The following TRPM3 variants were observed in gnomAD, a reference collection of about 807,000 sequenced individuals.
TRPM3 encodes the protein long transient receptor potential channel 3.
Under a neutral mutation model 181.2 loss-of-function variants are expected in TRPM3, and 77 were observed. That is an observed-to-expected ratio of 0.42 (90% CI 0.35 to 0.51). The LOEUF is 0.51. TRPM3 is among the 20% of genes least tolerant of loss of function. The pLI is 0.01. For missense variants in TRPM3, 1,759 were observed against 2,196.7 expected, an observed-to-expected ratio of 0.80 and a Z score of 3.98; for synonymous variants, 745 against 796.4, an observed-to-expected ratio of 0.94 and a Z score of 1.09.
intron 1 of TRPM3, among the ~76,000 whole-genome samples, chr9:71,320,718 A>G (rs1003143631): frequency 6.6e-6 from 1 of 152,094 alleles, no homozygotes; most frequent in African/African-American, 2.4e-5. Flanking sequence ...GGTGACTCAC[A>G]ATTGTGTAAC....
intron 1 of TRPM3, among the ~76,000 whole-genome samples, chr9:71,289,407 A>G (rs2085590482): frequency 6.6e-6 from 1 of 152,178 alleles, no homozygotes; most frequent in Non-Finnish European, 1.5e-5. Context: ...CAGATGAAGC[A>G]CACCTGAGGA....
chr9:71,431,608 C>T (rs1213842232), intron 1 of TRPM3, among the ~76,000 whole-genome samples: 3 of 152,230 alleles, frequency 2.0e-5, no homozygotes, highest in Admixed American at 6.5e-5. Flanking sequence ...CTCTGACTCA[C>T]GAGTCAGTAG....
intron 1 of TRPM3, 27 bp from the exon 2 acceptor site, chr9:70,864,538 A>AAAAAAAAG (rs375135324): frequency 6.3e-6 from 9 of 1,433,880 alleles, no homozygotes; most frequent in South Asian, 1.5e-5. Context: ...AAAAAAAAAA[A>AAAAAAAAG]AAAGAAAAAA....
intron 1 of TRPM3, among the ~76,000 whole-genome samples, chr9:71,149,940 CT>C (rs1258274514): frequency 6.6e-6 from 1 of 152,064 alleles, no homozygotes; most frequent in Non-Finnish European, 1.5e-5. Context: ...CCAGGCTCCA[CT>C]TCAGCCTGGG....
chr9:70,787,763 CTTTTTTTT>C lies in TRPM3; in HGVS notation c.974-3492_974-3485del. Reference sequence around the variant, plus strand: ...TGCAATTTCAGGGACTTTTTGGATTCTTTTTTTTTTTTTTTTTTTTTTTGCTTTTTATT... The same window carrying C: ...TGCAATTTCAGGGACTTTTTGGATTCTTTTTTTTTTTTTTTGCTTTTTATT... On this transcript the variant is annotated intron_variant, in intron 6 of 25. Transcript: ENST00000677713. Among the ~76,000 whole-genome samples the C allele has an allele frequency of 3.8e-4, 26 of 68,558 alleles. No individual in the cohort carries two copies. The Admixed American group carries it at 4.3e-3, about 11-fold the overall frequency. The allele number at this position is 68,558 out of a possible 152,430, so 45.0% of individuals were successfully genotyped here. A position where few individuals can be genotyped will look rare whatever the true frequency, so the allele number is the denominator to read the frequency against.
intron 19 of TRPM3, among the ~76,000 whole-genome samples, chr9:70,610,193 G>GTGT (rs2061796974): frequency 6.6e-6 from 1 of 152,100 alleles, no homozygotes; most frequent in African/African-American, 2.4e-5. Flanking sequence ...TTCTTTAGTG[G>GTGT]TGTTACCTCC....
At chr9:70,797,441 G>T (rs558393861) in intron 6 of TRPM3, among the ~76,000 whole-genome samples, 22 of 152,018 alleles carry the variant, frequency 1.4e-4, no homozygotes, top group Non-Finnish European at 3.2e-4. Context: ...TTTAGGAAAG[G>T]CCCATTGTTT....
chr9:71,225,656 G>A (rs2080554205), intron 1 of TRPM3, among the ~76,000 whole-genome samples: 1 of 151,946 alleles, frequency 6.6e-6, no homozygotes, highest in Non-Finnish European at 1.5e-5. Flanking sequence ...CAAATAAAAA[G>A]TAACTATAAC....
chr9:70,836,394 T>A (rs575496503), intron 5 of TRPM3, among the ~76,000 whole-genome samples: 1 of 152,250 alleles, frequency 6.6e-6, no homozygotes, highest in African/African-American at 2.4e-5. Flanking sequence ...CCAAAACCTC[T>A]AAGAGGTCTC....
At chr9:71,265,053 C>T (rs775814166) in intron 1 of TRPM3, among the ~76,000 whole-genome samples, 21 of 152,094 alleles carry the variant, frequency 1.4e-4, no homozygotes, top group Non-Finnish European at 1.5e-5. Context: ...AAGTATGAAA[C>T]ACCCACTTAG....
intron 1 of TRPM3, among the ~76,000 whole-genome samples, chr9:71,178,563 T>C (rs2077231000): frequency 6.6e-6 from 1 of 152,144 alleles, no homozygotes; most frequent in African/African-American, 2.4e-5. Flanking sequence ...TTGCAAATAA[T>C]TACTTTAAAA....
At chr9:71,178,860 T>C (rs7870153) in intron 1 of TRPM3, among the ~76,000 whole-genome samples, 36,535 of 152,004 alleles carry the variant, frequency 0.24, 5,093 homozygotes, top group African/African-American at 0.36. Flanking sequence ...GGCAGGGATG[T>C]TTCTCTTACT....
intron 1 of TRPM3, among the ~76,000 whole-genome samples, chr9:70,960,813 T>C (rs1476960573): frequency 2.6e-5 from 4 of 152,144 alleles, no homozygotes; most frequent in Non-Finnish European, 4.4e-5. Flanking sequence ...ATCTCCGTGT[T>C]TCCCTGGCCA....
intron 18 of TRPM3, among the ~76,000 whole-genome samples, chr9:70,612,217 A>G (rs1275503126): frequency 2.6e-5 from 4 of 152,240 alleles, no homozygotes; most frequent in African/African-American, 9.6e-5. Context: ...TAGAATCTAT[A>G]ACAGCATAAT....
chr9:70,598,752 G>A, intron 20 of TRPM3, 82 bp from the exon 21 acceptor site: 1 of 1,513,202 alleles, frequency 6.6e-7, no homozygotes, highest in Non-Finnish European at 8.9e-7. Context: ...TGGTCTGTTG[G>A]CTGATGTTAG....
chr9:70,605,583 A>T (rs919304512), intron 19 of TRPM3, among the ~76,000 whole-genome samples: 6 of 152,186 alleles, frequency 3.9e-5, no homozygotes, highest in Non-Finnish European at 5.9e-5. Context: ...GCTGTTTAAA[A>T]ATCAGTTCAA....
chr9:71,133,589 C>T (rs111592462), intron 1 of TRPM3, among the ~76,000 whole-genome samples: 3,536 of 152,168 alleles, frequency 0.023, 140 homozygotes, highest in African/African-American at 0.08. Flanking sequence ...TGAGCCACTG[C>T]GCCCGGCTGC....
chr9:71,222,771 G>A (rs1588026006), intron 1 of TRPM3, among the ~76,000 whole-genome samples: 1 of 152,194 alleles, frequency 6.6e-6, no homozygotes, highest in Non-Finnish European at 1.5e-5. Context: ...AGAGCACAGT[G>A]ATTGTGGGTT....
intron 1 of TRPM3, among the ~76,000 whole-genome samples, chr9:71,114,130 TCTAC>T (rs887406256): frequency 2.3e-3 from 354 of 152,244 alleles, no homozygotes; most frequent in African/African-American, 7.5e-3. Flanking sequence ...TATCTATCTA[TCTAC>T]CTACCTACCT....
Sources: gnomAD v4.1 joint callset for allele counts (sites outside exome capture counted in the v4.1 genomes callset) on GRCh38, gnomAD v4.1.1 for gene constraint, MANE v1.5 for transcripts, NCBI Gene and HGNC (gene_info 2026-07-23, HGNC 2026-07-21) for gene names.